The following CERT1 variants were observed in gnomAD, a reference collection of about 807,000 sequenced individuals.
CERT1 encodes the protein ceramide transfer protein.
In CERT1, 31 loss-of-function variants were observed where a neutral mutation model predicts 87.9. The observed-to-expected ratio is 0.35, with a 90% confidence interval of 0.27 to 0.48. CERT1 has a LOEUF of 0.48. CERT1 is among the 20% of genes least tolerant of loss of function. The pLI is 0.99. For missense variants in CERT1, 487 were observed against 758.0 expected (o/e 0.64, Z 4.20); for synonymous variants, 289 against 250.9 (o/e 1.15, Z -1.44).
At chr5:75,489,415 A>T (rs140894994) in intron 2 of CERT1, among the ~76,000 whole-genome samples, 3,938 of 152,342 alleles carry the variant, frequency 0.026, 145 homozygotes, top group African/African-American at 0.085. Flanking sequence ...ATTAAACTAA[A>T]GAGCTTCTGC....
chr5:75,509,164 T>C (rs898851294), intron 1 of CERT1, among the ~76,000 whole-genome samples: 6 of 152,160 alleles, frequency 3.9e-5, no homozygotes, highest in African/African-American at 1.4e-4. Flanking sequence ...ATCCACCCCA[T>C]TTTGGGGGAG....
chr5:75,425,248 A>G (rs1242777024), intron 5 of CERT1, 113 bp downstream of exon 5: 4 of 1,011,528 alleles, frequency 4.0e-6, no homozygotes, highest in Non-Finnish European at 5.7e-6. Flanking sequence ...GGGGGTTTGC[A>G]GCAAAAAATG....
At chr5:75,456,987 A>T (rs570062483) in intron 3 of CERT1, among the ~76,000 whole-genome samples, 129 of 152,342 alleles carry the variant, frequency 8.5e-4, no homozygotes, top group Non-Finnish European at 1.7e-3. Context: ...AAAACAGAAA[A>T]AAACTTGCCC....
chr5:75,398,260 T>C (rs1762335270), intron 11 of CERT1, among the ~76,000 whole-genome samples: 1 of 152,182 alleles, frequency 6.6e-6, no homozygotes, highest in South Asian at 2.1e-4. Flanking sequence ...TAGAAATCTC[T>C]TTAAACTATG....
At chr5:75,482,481 A>G (rs1371359146) in intron 2 of CERT1, among the ~76,000 whole-genome samples, 1 of 152,172 alleles carries the variant, frequency 6.6e-6, no homozygotes, top group Non-Finnish European at 1.5e-5. Context: ...AGCCTGGCTA[A>G]ATTTGTCACC....
At chr5:75,469,644 T>C (rs1042707075) in intron 2 of CERT1, among the ~76,000 whole-genome samples, 1 of 152,096 alleles carries the variant, frequency 6.6e-6, no homozygotes, top group Non-Finnish European at 1.5e-5. Context: ...AATGTACTAT[T>C]AGAGATAATC....
At position 75,511,311 on chromosome 5, in the gene CERT1, A is replaced by C. The variant is rs1357224887; in HGVS notation, c.-104T>G. 1 of 1,551,914 alleles carries C rather than the reference A, an allele frequency of 6.4e-7. No individual in the cohort carries two copies. The highest frequency in any genetic ancestry group is 8.7e-7 in the Non-Finnish European group (1 of 1,148,242). On this transcript the variant is annotated 5_prime_UTR_variant, in exon 1 of 17. Coordinates refer to ENST00000643780, the MANE Select transcript of CERT1 (RefSeq NM_001379029.1). ...AGGGTCGGGGGATGGCGAAGCGAAG[A>C]GTGCCCGCTCCGGTGTGGGGGGGAG...
intron 2 of CERT1, among the ~76,000 whole-genome samples, chr5:75,470,550 A>C (rs1415754899): frequency 1.3e-5 from 2 of 152,182 alleles, no homozygotes; most frequent in Admixed American, 1.3e-4. Context: ...CAGAAAAAGC[A>C]CTGGACAAAA....
downstream of CERT1, chr5:75,373,885 TC>T (rs1191412628): frequency 2.6e-6 from 1 of 391,754 alleles, no homozygotes; most frequent in African/African-American, 2.1e-5. Flanking sequence ...AATTAAAGCA[TC>T]AATTCCTAGT....
chr5:75,381,261 C>A, intron 15 of CERT1, 60 bp from the exon 16 acceptor site: 3 of 1,592,116 alleles, frequency 1.9e-6, no homozygotes, highest in South Asian at 2.2e-5. Context: ...CTCTGCTGGT[C>A]TAATATTATA....
At chr5:75,488,452 T>A (rs2112417863) in intron 2 of CERT1, among the ~76,000 whole-genome samples, 1 of 152,272 alleles carries the variant, frequency 6.6e-6, no homozygotes, top group African/African-American at 2.4e-5. Context: ...CTTGCAAATT[T>A]ATCACTAAAA....
chr5:75,448,132 A>G (rs1764632313), intron 3 of CERT1, among the ~76,000 whole-genome samples: 1 of 152,166 alleles, frequency 6.6e-6, no homozygotes, highest in African/African-American at 2.4e-5. Context: ...TCAATAATCA[A>G]TATTCTCATA....
At chr5:75,428,879 T>C (rs915513741) in intron 3 of CERT1, among the ~76,000 whole-genome samples, 9 of 152,216 alleles carry the variant, frequency 5.9e-5, no homozygotes, top group African/African-American at 1.7e-4. Flanking sequence ...TGTGTCCTAT[T>C]ATCTCTTCAA....
intron 2 of CERT1, among the ~76,000 whole-genome samples, chr5:75,467,136 A>G (rs916317583): frequency 6.6e-6 from 1 of 152,256 alleles, no homozygotes; most frequent in Non-Finnish European, 1.5e-5. Context: ...AATAAAAAGG[A>G]ACCAATTATT....
At chr5:75,464,636 T>C (rs1765384975) in intron 2 of CERT1, among the ~76,000 whole-genome samples, 1 of 152,148 alleles carries the variant, frequency 6.6e-6, no homozygotes, top group Admixed American at 6.5e-5. Context: ...GCTGGAGTGG[T>C]GCAATCTTGG....
intron 3 of CERT1, among the ~76,000 whole-genome samples, chr5:75,431,876 T>G (rs1420384141): frequency 6.6e-6 from 1 of 152,210 alleles, no homozygotes; most frequent in Non-Finnish European, 1.5e-5. Context: ...GTGATGAACA[T>G]ACACATGCAT....
In CERT1 at chr5:75,393,416, T is replaced by C. The variant is rs150263289; in HGVS notation, c.1189-3729A>G. Among the ~76,000 whole-genome samples the C allele has an allele frequency of 2.1e-3, 319 of 151,570 alleles. 1 individual carries two copies. The East Asian group carries it at 0.027, about 13-fold the overall frequency. The stretch of plus-strand genomic sequence containing the variant: ...CTCAGTATGATGCCATTTCTGGATG[T>C]TACCAAGTAGGATTTTTCTAACACT... On this transcript the variant is annotated intron_variant, in intron 11 of 16. Coordinates refer to ENST00000643780, the MANE Select transcript of CERT1 (RefSeq NM_001379029.1).
At chr5:75,449,780 T>A (rs940782087) in intron 3 of CERT1, among the ~76,000 whole-genome samples, 18 of 152,134 alleles carry the variant, frequency 1.2e-4, no homozygotes, top group African/African-American at 4.1e-4. Context: ...ATTTTTCTGA[T>A]GATTAATAGC....
At chr5:75,390,449 T>A (rs1454108113) in intron 11 of CERT1, among the ~76,000 whole-genome samples, 1 of 152,060 alleles carries the variant, frequency 6.6e-6, no homozygotes, top group Non-Finnish European at 1.5e-5. Flanking sequence ...AATTTCCTTT[T>A]AAAATTTTTT....
Sources: gnomAD v4.1 joint callset for allele counts (sites outside exome capture counted in the v4.1 genomes callset) on GRCh38, gnomAD v4.1.1 for gene constraint, MANE v1.5 for transcripts, NCBI Gene and HGNC (gene_info 2026-07-23, HGNC 2026-07-21) for gene names.